Variants in PKHD1 observed in about 807,000 individuals in gnomAD.
PKHD1 encodes the protein fibrocystin.
PKHD1 carries 291 observed loss-of-function variants against 412.0 expected under a neutral mutation model. That is an observed-to-expected ratio of 0.71 (90% CI 0.64 to 0.78). PKHD1 has a LOEUF of 0.78. Among genes scored for constraint, PKHD1 ranks in the 30% least tolerant of loss-of-function variants. PKHD1 has a pLI of 0.00. For synonymous variants in PKHD1, 1,777 were observed against 1,821.5 expected, an observed-to-expected ratio of 0.98 and a Z score of 0.62; for missense variants, 4,825 against 4,950.7, an observed-to-expected ratio of 0.97 and a Z score of 0.76.
At position 52,047,804 on chromosome 6, in the gene PKHD1, G is replaced by A. The variant is rs769332277; in HGVS notation, c.2407+688C>T. Among the ~76,000 whole-genome samples the A allele has an allele frequency of 3.3e-5, 5 of 152,282 alleles. No individual in the cohort carries two copies. The South Asian group carries it at 6.2e-4, about 19-fold the overall frequency. On this transcript the variant is annotated intron_variant, in intron 23 of 66. Coordinates refer to ENST00000371117, the MANE Select transcript of PKHD1 (RefSeq NM_138694.4). ...CAAGCTTCAGTGTAGTTGGCTGAAC[G>A]GTGAACCCCCTAAAAGATGGCCTAA...
chr6:51,744,122 G>A (rs1784902197), intron 60 of PKHD1, among the ~76,000 whole-genome samples: 1 of 152,244 alleles, frequency 6.6e-6, no homozygotes. Context: ...CCTCCCAGCT[G>A]TGCACTAAGT....
intron 35 of PKHD1, among the ~76,000 whole-genome samples, chr6:51,981,895 T>C: frequency 1.1e-5 from 1 of 90,324 alleles, no homozygotes; most frequent in African/African-American, 3.1e-5. Context: ...CCCGCTGCCT[T>C]CCCATCTAGG....
At chr6:51,886,771 T>C (rs995984194) in intron 44 of PKHD1, among the ~76,000 whole-genome samples, 5 of 152,196 alleles carry the variant, frequency 3.3e-5, no homozygotes, top group African/African-American at 1.2e-4. Context: ...CAATACTATA[T>C]TCTATACTTA....
chr6:51,971,469 T>C (rs1223755599), intron 35 of PKHD1, among the ~76,000 whole-genome samples: 5 of 152,200 alleles, frequency 3.3e-5, no homozygotes, highest in Non-Finnish European at 7.3e-5. Flanking sequence ...CATGGAATTT[T>C]TCAATTTATG....
chr6:52,032,169 C>T (rs1174336648), intron 29 of PKHD1, among the ~76,000 whole-genome samples: 7 of 152,114 alleles, frequency 4.6e-5, no homozygotes, highest in Non-Finnish European at 1.0e-4. Flanking sequence ...TATTTATGTA[C>T]TCTTGAGCTA....
At chr6:51,924,197 A>C (rs572104831) in intron 37 of PKHD1, among the ~76,000 whole-genome samples, 59 of 152,342 alleles carry the variant, frequency 3.9e-4, no homozygotes, top group African/African-American at 1.4e-3. Context: ...ATATGGAAGA[A>C]TTCTCTTTGA....
intron 36 of PKHD1, among the ~76,000 whole-genome samples, chr6:51,949,380 A>G (rs1406180139): frequency 6.6e-6 from 1 of 152,144 alleles, no homozygotes; most frequent in Non-Finnish European, 1.5e-5. Flanking sequence ...TGGCTGAGTG[A>G]TCTGGGCAGA....
At chr6:51,639,045 C>T in intron 63 of PKHD1, 89 bp from the exon 64 acceptor site, 1 of 963,518 alleles carries the variant, frequency 1.0e-6, no homozygotes, top group Non-Finnish European at 1.7e-6. Context: ...GACATTTGGA[C>T]AATAAAGGAC....
chr6:51,892,556 T>C (rs1178797951), intron 43 of PKHD1, among the ~76,000 whole-genome samples: 2 of 152,208 alleles, frequency 1.3e-5, no homozygotes, highest in Admixed American at 1.3e-4. Context: ...AATATTGACG[T>C]AGTTGAGAAA....
intron 59 of PKHD1, among the ~76,000 whole-genome samples, chr6:51,746,501 G>GCC (rs1023230747): frequency 6.6e-5 from 10 of 152,146 alleles, no homozygotes; most frequent in Non-Finnish European, 1.2e-4. Context: ...GAGGGAAATA[G>GCC]CCCCTGCCTC....
intron 29 of PKHD1, among the ~76,000 whole-genome samples, chr6:52,030,068 A>G (rs926437232): frequency 2.6e-5 from 4 of 152,212 alleles, no homozygotes; most frequent in Non-Finnish European, 4.4e-5. Flanking sequence ...CTTGGGCTAA[A>G]GCATCTCTAG....
intron 37 of PKHD1, among the ~76,000 whole-genome samples, chr6:51,918,399 C>A (rs1460767169): frequency 6.6e-6 from 1 of 151,958 alleles, no homozygotes; most frequent in Non-Finnish European, 1.5e-5. Context: ...CTCCCTGTGT[C>A]CATGTGTTGT....
chr6:51,893,280 C>T (rs1355911412), intron 43 of PKHD1, among the ~76,000 whole-genome samples: 1 of 152,168 alleles, frequency 6.6e-6, no homozygotes, highest in African/African-American at 2.4e-5. Flanking sequence ...TATTCATCAC[C>T]TTTGCCAGCA....
intron 43 of PKHD1, among the ~76,000 whole-genome samples, chr6:51,900,772 T>A (rs879542946): frequency 9.2e-5 from 14 of 151,396 alleles, no homozygotes; most frequent in Admixed American, 3.3e-4. Flanking sequence ...AACCTACTCA[T>A]CTGACAAAGG....
At chr6:51,738,846 C>A (rs1298452833) in intron 60 of PKHD1, among the ~76,000 whole-genome samples, 2 of 152,010 alleles carry the variant, frequency 1.3e-5, no homozygotes, top group African/African-American at 4.8e-5. Context: ...CTGCTCAGGG[C>A]AGGCACTCCT....
intron 35 of PKHD1, among the ~76,000 whole-genome samples, chr6:51,981,344 T>C (rs1473878290): frequency 2.8e-3 from 117 of 42,396 alleles, no homozygotes; most frequent in African/African-American, 3.2e-3. Context: ...CCTCTCCCTC[T>C]CCCTCTCCCT....
rs552460386 is a variant in PKHD1, at chr6:51,677,819, A to G, written c.10157-17850T>C. ...AGAGAGAAGGTCAGATCTATACCCA[A>G]TAGACCCTTCTTCTGATTCAACCAT... On this transcript the variant is annotated intron_variant, in intron 60 of 66. Coordinates refer to ENST00000371117, the MANE Select transcript of PKHD1 (RefSeq NM_138694.4). Among the ~76,000 whole-genome samples, 7 of 152,236 alleles carry G rather than the reference A, an allele frequency of 4.6e-5. No homozygotes were observed. The South Asian group carries it at 1.5e-3, about 32-fold the overall frequency.
intron 60 of PKHD1, chr6:51,721,871 T>A: frequency 6.4e-7 from 1 of 1,570,318 alleles, no homozygotes; most frequent in East Asian, 2.3e-5. Context: ...ATTTGAACAA[T>A]TGAAACAGTG....
chr6:52,073,442 C>T, intron 7 of PKHD1, 21 bp downstream of exon 7: 3 of 1,518,792 alleles, frequency 2.0e-6, no homozygotes, highest in Non-Finnish European at 2.7e-6. Context: ...TAGTTAAACA[C>T]AAAAACAAAC....
Sources: gnomAD v4.1 joint callset for allele counts (sites outside exome capture counted in the v4.1 genomes callset) on GRCh38, gnomAD v4.1.1 for gene constraint, MANE v1.5 for transcripts, NCBI Gene and HGNC (gene_info 2026-07-23, HGNC 2026-07-21) for gene names.